The following INO80D variants were observed in gnomAD, a reference collection of about 807,000 sequenced individuals.
INO80D encodes INO80 complex subunit D.
In INO80D, 21 loss-of-function variants were observed where a neutral mutation model predicts 87.6. The ratio of observed to expected loss-of-function variants is 0.24; its 90% CI spans 0.17 to 0.35. The LOEUF (loss-of-function observed/expected upper bound fraction) is 0.35. Among genes scored for constraint, INO80D ranks in the 10% least tolerant of loss-of-function variants. The probability of loss-of-function intolerance (pLI) is 1.00; values close to 1 mark genes in which losing one functional copy is unlikely to be tolerated. For missense variants in INO80D, 982 were observed against 1,280.7 expected (o/e 0.77, Z 3.56); for synonymous variants, 440 against 491.0 (o/e 0.90, Z 1.37).
chr2:206,066,327 C>T (rs1652393314), intron 1 of INO80D, among the ~76,000 whole-genome samples: 1 of 152,074 alleles, frequency 6.6e-6, no homozygotes, highest in African/African-American at 2.4e-5. Context: ...CTACCCACTA[C>T]TAGGCATTTT....
chr2:206,048,488 C>G (rs1468697776), intron 4 of INO80D, among the ~76,000 whole-genome samples: 1 of 152,186 alleles, frequency 6.6e-6, no homozygotes, highest in Non-Finnish European at 1.5e-5. Context: ...CTGCCTTAGC[C>G]TCCCAAAGTG....
intron 1 of INO80D, among the ~76,000 whole-genome samples, chr2:206,064,050 T>G (rs191839764): frequency 1.8e-4 from 27 of 152,340 alleles, no homozygotes; most frequent in Admixed American, 4.6e-4. Context: ...CTTATAATAT[T>G]TCCCCACACC....
intron 5 of INO80D, among the ~76,000 whole-genome samples, chr2:206,038,070 A>C (rs1225249234): frequency 3.3e-5 from 5 of 152,338 alleles, no homozygotes; most frequent in African/African-American, 1.2e-4. Context: ...TAGACGATGA[A>C]GACTCAGAAG....
intron 5 of INO80D, among the ~76,000 whole-genome samples, chr2:206,038,906 C>A (rs1356641110): frequency 6.6e-6 from 1 of 152,124 alleles, no homozygotes; most frequent in Non-Finnish European, 1.5e-5. Flanking sequence ...TATAAAGTAT[C>A]ATCCAAACAA....
intron 6 of INO80D, among the ~76,000 whole-genome samples, chr2:206,022,113 C>G (rs1688480308): frequency 6.6e-6 from 1 of 151,820 alleles, no homozygotes; most frequent in Non-Finnish European, 1.5e-5. Flanking sequence ...ACCCAGTAAT[C>G]CCAGCACTTT....
rs1315071755 is a variant in INO80D at position 206,056,549 on chromosome 2, G to A, written c.613C>T (p.Pro205Ser). The A allele has an allele frequency of 1.9e-6, 3 of 1,613,026 alleles. No individual in the cohort carries two copies. Among genetic ancestry groups the A allele is most frequent in the Non-Finnish European group, 2.5e-6 (3 of 1,179,546 alleles). The change falls in exon 4 of 11, where the codon CCT becomes TCT. Residue 205 changes from proline to serine, a missense_variant. Physicochemically the swap from Pro to Ser is moderately conservative, Grantham distance 74. Transcript: ENST00000403263. ...GACAGGTGGGAGTGCTGCTGCGGAG[G>A]CTGCTGCTGTGAAGGTGCAGGAGGG... ...SPPPAPSQQQPPQQHSHLSPL... is the reference protein window; with the variant it reads ...SPPPAPSQQQSPQQHSHLSPL...
In INO80D at chr2:206,062,726, GA is replaced by G; in HGVS notation, c.218+72del. On this transcript the variant is annotated intron_variant, in intron 3 of 10. Coordinates refer to ENST00000403263, the MANE Select transcript of INO80D (RefSeq NM_017759.5). This position sits in a 1 kb window ranked among gnomAD's most constrained non-coding sequence, Gnocchi z 4.6. ...AAATGAAGGACAGAAGAAAAGAGAA[GA>G]AAAAACAAGAAAAGAAAAAATTCCA... The G allele has an allele frequency of 2.3e-6, 3 of 1,288,320 alleles. No individual in the cohort carries two copies. The highest frequency in any genetic ancestry group is 3.2e-6 in the Non-Finnish European group (3 of 929,654). 79.8% of individuals were successfully genotyped at this position (1,288,320 alleles called of 1,614,324 possible).
rs1688412321 is a variant in INO80D, at chr2:206,019,820, C to T, written c.1324G>A (p.Val442Met). The T allele has an allele frequency of 2.5e-6, 4 of 1,613,858 alleles. No homozygotes were observed. The African/African-American group carries it at 4.0e-5, about 16-fold the overall frequency. ...TSISRTKLRE[V>M]EPAACSGTVK... ...GTTCCACTGCATGCTGCTGGTTCCA[C>T]CTCCCTCAGCTTGGTCCGGCTTATG... Residue 442 changes from valine (V) to methionine (M), a missense_variant, in exon 7 of 11, where the codon GTG becomes ATG. Coordinates refer to ENST00000403263, the MANE Select transcript of INO80D (RefSeq NM_017759.5).
intron 5 of INO80D, among the ~76,000 whole-genome samples, chr2:206,044,389 A>G (rs907453022): frequency 6.6e-6 from 1 of 151,914 alleles, no homozygotes; most frequent in African/African-American, 2.4e-5. Context: ...AAATGAACAA[A>G]TGAATGAAAA....
At chr2:206,006,072 C>T (rs552428682) in intron 10 of INO80D, among the ~76,000 whole-genome samples, 3 of 152,286 alleles carry the variant, frequency 2.0e-5, no homozygotes, top group South Asian at 4.1e-4. Context: ...GGTTATCTTT[C>T]AAAATGCTTT....
At chr2:206,012,968 T>C (rs183395285) in intron 8 of INO80D, among the ~76,000 whole-genome samples, 133 of 150,920 alleles carry the variant, frequency 8.8e-4, no homozygotes, top group Non-Finnish European at 1.7e-3. Context: ...AAGTGCTTCT[T>C]ATAGTCTCTT....
In INO80D at chr2:206,063,439, G is replaced by A. The variant is rs111872342; in HGVS notation, c.-123-195C>T. The A allele has an allele frequency of 7.4e-3, 1,532 of 206,350 alleles. 12 individuals are homozygous for A. Among genetic ancestry groups the A allele is most frequent in the African/African-American group, 0.033 (1,421 of 42,648 alleles). The allele number at this position is 206,350 out of a possible 1,614,324, so 12.8% of individuals were successfully genotyped here. ...AAGTTGGCTGGGCGCCGTGGCTCACGCCTGTAATCCCAGCACCTTGGAGGC... is the reference window on the plus strand; with the variant it reads ...AAGTTGGCTGGGCGCCGTGGCTCACACCTGTAATCCCAGCACCTTGGAGGC... On this transcript the variant is annotated intron_variant, in intron 1 of 10. Transcript: ENST00000403263.
intron 5 of INO80D, among the ~76,000 whole-genome samples, chr2:206,028,565 T>C (rs574861701): frequency 6.6e-6 from 1 of 152,310 alleles, no homozygotes; most frequent in South Asian, 2.1e-4. Flanking sequence ...ACAGCCTTCT[T>C]AGCATGGCAT....
chr2:206,065,613 G>A (rs1021969588), intron 1 of INO80D, among the ~76,000 whole-genome samples: 2 of 152,092 alleles, frequency 1.3e-5, no homozygotes, highest in African/African-American at 4.8e-5. Flanking sequence ...TACGGAATGG[G>A]AGAAAATATT....
rs574306725 is a variant in INO80D, at chr2:206,051,715, G to A, written c.964+4483C>T. Among the ~76,000 whole-genome samples, 18 of 151,892 alleles carry A rather than the reference G, an allele frequency of 1.2e-4. No homozygotes were observed. The South Asian group carries it at 3.7e-3, about 32-fold the overall frequency. On this transcript the variant is annotated intron_variant, in intron 4 of 10. Transcript: ENST00000403263. ...AGAATCTCACTATGTTTCCCAGGCT[G>A]GTCCCGAACTCCTGGGCTCACGTGA...
At chr2:206,084,074 C>CT (rs543296877) in intron 1 of INO80D, among the ~76,000 whole-genome samples, 11,790 of 143,436 alleles carry the variant, frequency 0.082, 683 homozygotes, top group Admixed American at 0.19. Context: ...ATGTTTATCA[C>CT]TTTTTTTTTT....
chr2:206,053,722 T>C (rs765055064), intron 4 of INO80D, among the ~76,000 whole-genome samples: 16 of 152,320 alleles, frequency 1.1e-4, no homozygotes, highest in South Asian at 2.1e-4. Flanking sequence ...AATAAATATA[T>C]TGATATCCCC....
chr2:206,029,793 C>G (rs1688712587), intron 5 of INO80D, among the ~76,000 whole-genome samples: 1 of 152,184 alleles, frequency 6.6e-6, no homozygotes, highest in Non-Finnish European at 1.5e-5. Context: ...GAGAGACCAA[C>G]ATTTCAAAGA....
Position 206,010,633 on chromosome 2 carries a change from T to C in INO80D, c.1543-839A>G, listed in dbSNP as rs1390379874. ...CATAGTATTTTAAGACTAATAACTA[T>C]CACTAGCATCAAAAAATTGAAAACA... On this transcript the variant is annotated intron_variant, in intron 8 of 10. Coordinates refer to ENST00000403263, the MANE Select transcript of INO80D (RefSeq NM_017759.5). Among the ~76,000 whole-genome samples the C allele has an allele frequency of 2.6e-5, 4 of 152,198 alleles. No individual in the cohort carries two copies. In the East Asian group the frequency reaches 7.7e-4, roughly 29 times the overall value.
Sources: allele counts gnomAD v4.1 joint callset (sites outside exome capture counted in the v4.1 genomes callset), GRCh38; gene constraint gnomAD v4.1.1; non-coding constraint Gnocchi (gnomAD v3.1); transcripts MANE v1.5; gene names NCBI Gene and HGNC (gene_info 2026-07-23, HGNC 2026-07-21).